ACYP2: variants seen among roughly 807,000 people sequenced by gnomAD.
The protein encoded by ACYP2 is acylphosphatase-2.
ACYP2 carries 12 observed loss-of-function variants against 11.2 expected under a neutral mutation model. The observed-to-expected ratio is 1.08, with a 90% CI of 0.69 to 1.74. The LOEUF (loss-of-function observed/expected upper bound fraction) is 1.74, where lower values mean the gene tolerates loss of function less well. ACYP2 is among the 40% of genes most tolerant of loss of function. ACYP2 has a pLI of 0.00. For missense variants in ACYP2, 134 were observed against 101.9 expected (o/e 1.31, Z -1.35); for synonymous variants, 43 against 32.2 (o/e 1.33, Z -1.13).
chr2:54,123,528 C>T, intron 4 of ACYP2: 1 of 397,452 alleles, frequency 2.5e-6, no homozygotes, highest in Non-Finnish European at 4.4e-6. Context: ...TTAGTATATT[C>T]ACAATGTTTT....
chr2:54,175,976 AC>A (rs1683441982), intron 6 of ACYP2, among the ~76,000 whole-genome samples: 1 of 151,972 alleles, frequency 6.6e-6, no homozygotes, highest in South Asian at 2.1e-4. Context: ...GAGCTCTCAC[AC>A]CCCCTTTACC....
chr2:54,255,392 T>C (rs766832235), intron 6 of ACYP2: 13 of 1,613,956 alleles, frequency 8.1e-6, no homozygotes, highest in Admixed American at 1.7e-5. Context: ...CGGAAAGCAG[T>C]GACCCAGAAG....
intron 6 of ACYP2, among the ~76,000 whole-genome samples, chr2:54,284,859 C>G (rs754264525): frequency 7.9e-5 from 12 of 152,198 alleles, no homozygotes; most frequent in Non-Finnish European, 1.0e-4. Context: ...GTTCTTTGGC[C>G]TGTGTTACTT....
intron 6 of ACYP2, among the ~76,000 whole-genome samples, chr2:54,218,299 T>C (rs1334854367): frequency 1.3e-5 from 2 of 152,220 alleles, no homozygotes; most frequent in African/African-American, 2.4e-5. Flanking sequence ...CCTTGACTGA[T>C]TGACCTTTCT....
intron 6 of ACYP2, among the ~76,000 whole-genome samples, chr2:54,209,197 TAA>T (rs2103926638): frequency 6.6e-6 from 1 of 152,322 alleles, no homozygotes; most frequent in African/African-American, 2.4e-5. Flanking sequence ...AAAATATATT[TAA>T]ATAATGCATT....
At chr2:54,106,833 C>G (rs1009786622) in intron 4 of ACYP2, among the ~76,000 whole-genome samples, 3 of 152,162 alleles carry the variant, frequency 2.0e-5, no homozygotes, top group East Asian at 1.9e-4. Context: ...TCCGCCCCCC[C>G]TCGGCCTCCC....
intron 6 of ACYP2, among the ~76,000 whole-genome samples, chr2:54,231,824 C>A (rs1686249505): frequency 6.6e-6 from 1 of 152,150 alleles, no homozygotes; most frequent in Admixed American, 6.5e-5. Context: ...CCTGAGGCTC[C>A]ATTAGCTGTT....
intron 6 of ACYP2, among the ~76,000 whole-genome samples, chr2:54,215,284 G>A (rs1399488405): frequency 3.3e-5 from 5 of 152,128 alleles, no homozygotes; most frequent in Admixed American, 2.0e-4. Context: ...CTAGTACTAT[G>A]TTGAATAGGA....
intron 6 of ACYP2, among the ~76,000 whole-genome samples, chr2:54,200,457 C>T (rs1182720176): frequency 2.0e-5 from 3 of 152,164 alleles, no homozygotes; most frequent in South Asian, 2.1e-4. Flanking sequence ...CACTAATCTA[C>T]TGTCTGTCTC....
chr2:54,010,293 G>A (rs1368812662), intron 2 of ACYP2, among the ~76,000 whole-genome samples: 1 of 152,124 alleles, frequency 6.6e-6, no homozygotes, highest in Non-Finnish European at 1.5e-5. Context: ...AGACCATCCT[G>A]GCCAACATGG....
intron 2 of ACYP2, among the ~76,000 whole-genome samples, chr2:54,047,188 T>G (rs1675572088): frequency 6.6e-6 from 1 of 152,212 alleles, no homozygotes; most frequent in African/African-American, 2.4e-5. Context: ...GTCACCATCT[T>G]GTGGCAAGAC....
At chr2:53,978,389 TA>T (rs1445421333) in intron 2 of ACYP2, among the ~76,000 whole-genome samples, 6 of 152,192 alleles carry the variant, frequency 3.9e-5, no homozygotes, top group Non-Finnish European at 8.8e-5. Flanking sequence ...TGATTAATGA[TA>T]CCTGTCCACC....
intron 6 of ACYP2, among the ~76,000 whole-genome samples, chr2:54,171,899 T>C (rs1386102546): frequency 6.6e-6 from 1 of 152,142 alleles, no homozygotes; most frequent in Non-Finnish European, 1.5e-5. Context: ...CCTGTACTAA[T>C]TGGAATGTTG....
chr2:54,245,687 T>C (rs1390071117), intron 6 of ACYP2, among the ~76,000 whole-genome samples: 1 of 151,290 alleles, frequency 6.6e-6, no homozygotes, highest in African/African-American at 2.4e-5. Context: ...TCTATTCAGA[T>C]CATTTGCCCA....
At chr2:54,247,363 C>T (rs146086644) in intron 6 of ACYP2, among the ~76,000 whole-genome samples, 2 of 152,288 alleles carry the variant, frequency 1.3e-5, no homozygotes, top group African/African-American at 4.8e-5. Context: ...TTTGCTCTTC[C>T]TGGACAAAGT....
chr2:54,203,409 AATAGAG>A (rs200725548), intron 6 of ACYP2, among the ~76,000 whole-genome samples: 1,899 of 152,290 alleles, frequency 0.012, 36 homozygotes, highest in African/African-American at 0.044. Context: ...GTCATATGCA[AATAGAG>A]ATAGTTTTAC....
At chr2:54,057,441 G>C in intron 4 of ACYP2, 1 of 392,590 alleles carries the variant, frequency 2.5e-6, no homozygotes, top group Non-Finnish European at 4.5e-6. Context: ...TATAAAATTA[G>C]CCTCAGGATG....
intron 6 of ACYP2, among the ~76,000 whole-genome samples, chr2:54,164,896 G>A (rs1055116440): frequency 1.3e-5 from 2 of 152,122 alleles, no homozygotes; most frequent in African/African-American, 4.8e-5. Context: ...GGTGTGTGAT[G>A]TTCCCCTCCC....
At chr2:54,029,782 T>G (rs1674485105) in intron 2 of ACYP2, 1 of 590,084 alleles carries the variant, frequency 1.7e-6, no homozygotes, top group South Asian at 1.4e-5. Context: ...GCTCTTCCAG[T>G]TTAGCCATGG....
Sources: allele counts gnomAD v4.1 joint callset (sites outside exome capture counted in the v4.1 genomes callset), GRCh38; gene constraint gnomAD v4.1.1; transcripts MANE v1.5; gene names NCBI Gene and HGNC (gene_info 2026-07-23, HGNC 2026-07-21).